ZFP91: variants seen among roughly 807,000 people sequenced by gnomAD.
The protein encoded by ZFP91 is ZFP91 zinc finger protein, atypical E3 ubiquitin ligase, also known as E3 ubiquitin-protein ligase ZFP91.
Under a neutral mutation model 63.5 loss-of-function variants are expected in ZFP91, and 7 were observed. The ratio of observed to expected loss-of-function variants is 0.11; its 90% CI spans 0.06 to 0.21. The LOEUF (loss-of-function observed/expected upper bound fraction) is 0.21. Ranked by LOEUF, ZFP91 falls within the 10% of genes least tolerant of loss-of-function variation. ZFP91 has a pLI of 1.00. For synonymous variants in ZFP91, 330 were observed against 272.1 expected (o/e 1.21, Z -2.10); for missense variants, 628 against 736.6 (o/e 0.85, Z 1.71).
chr11:58,608,175 T>A (rs554147387), intron 2 of ZFP91, among the ~76,000 whole-genome samples: 2 of 151,904 alleles, frequency 1.3e-5, no homozygotes, highest in Non-Finnish European at 2.9e-5. Flanking sequence ...ATTGGTTTCA[T>A]AAGTTATATA....
Position 58,617,917 on chromosome 11 carries a change from C to A in ZFP91, c.*211C>A. 1.8e-6 allele frequency: 1 copy of A among 550,396 alleles called. No individual in the cohort carries two copies. Among genetic ancestry groups the A allele is most frequent in the Non-Finnish European group, 2.7e-6 (1 of 367,488 alleles). The allele number at this position is 550,396 out of a possible 1,614,324, so 34.1% of individuals were successfully genotyped here. ...GCTCCCCTTATAAAATTGATGTTGT[C>A]TTTACCAGAAAGGTAGACAAAAAAG... On this transcript the variant is annotated 3_prime_UTR_variant, in exon 11 of 11. Transcript: ENST00000316059. This position sits in a 1 kb window ranked among gnomAD's most constrained non-coding sequence, Gnocchi z 4.2.
chr11:58,618,830 G>A lies in ZFP91; in HGVS notation c.*1124G>A, dbSNP rs998827117. On this transcript the variant is annotated 3_prime_UTR_variant, in exon 11 of 11. Coordinates refer to ENST00000316059, the MANE Select transcript of ZFP91 (RefSeq NM_053023.5). The stretch of plus-strand genomic sequence containing the variant: ...TTTAGGGAAGAATGTTAGGTTCATG[G>A]TAACTAGTATGCTCTTTGAGATTTT... 2 of 399,988 alleles carry A rather than the reference G, an allele frequency of 5.0e-6. No homozygotes were observed. Among genetic ancestry groups the A allele is most frequent in the Non-Finnish European group, 9.8e-6 (2 of 203,998 alleles). The allele number at this position is 399,988 out of a possible 1,614,324, so 24.8% of individuals were successfully genotyped here.
intron 1 of ZFP91, among the ~76,000 whole-genome samples, chr11:58,583,456 C>G (rs1163471670): frequency 1.3e-5 from 2 of 151,898 alleles, no homozygotes; most frequent in Admixed American, 1.3e-4. Flanking sequence ...CTTGCTGTTT[C>G]CCTTTTGAAG....
At chr11:58,593,178 A>G (rs1168714463) in intron 2 of ZFP91, among the ~76,000 whole-genome samples, 2 of 152,202 alleles carry the variant, frequency 1.3e-5, no homozygotes, top group Non-Finnish European at 2.9e-5. Context: ...GACCACAGTT[A>G]ATAATAATGT....
chr11:58,612,725 T>TA (rs1565024928), intron 7 of ZFP91, 37 bp from the exon 8 acceptor site: 4 of 1,567,916 alleles, frequency 2.6e-6, no homozygotes, highest in Non-Finnish European at 2.6e-6. Context: ...ACCACTTTTT[T>TA]TTTTTTGCTA....
chr11:58,593,012 A>G (rs748309321), intron 2 of ZFP91, among the ~76,000 whole-genome samples: 1 of 152,064 alleles, frequency 6.6e-6, no homozygotes, highest in African/African-American at 2.4e-5. Context: ...ACATGAAGCA[A>G]TAGAGAACTC....
Position 58,579,583 on chromosome 11 carries a change from C to G in ZFP91, c.302C>G (p.Ser101Cys), listed in dbSNP as rs199816199. The G allele has an allele frequency of 1.3e-6, 2 of 1,582,764 alleles. No homozygotes were observed. Among genetic ancestry groups the G allele is most frequent in the East Asian group, 2.5e-5 (1 of 40,024 alleles). ...VPGQQPQAAK[S>C]PSPVQGKKSP... ...GGGCAGCAGCCCCAGGCCGCGAAGT[C>G]CCCGTCTCCAGTTCAGGGCAAGAAG... The change falls in exon 1 of 11, where the codon TCC becomes TGC. Residue 101 changes from serine (S) to cysteine (C), a missense_variant. Coordinates refer to ENST00000316059, the MANE Select transcript of ZFP91 (RefSeq NM_053023.5).
chr11:58,587,676 A>C (rs982984539), intron 2 of ZFP91, among the ~76,000 whole-genome samples: 1 of 152,108 alleles, frequency 6.6e-6, no homozygotes, highest in Non-Finnish European at 1.5e-5. Context: ...TACTTTGATT[A>C]TAAAGTAAAA....
chr11:58,583,824 A>G (rs147721789), intron 1 of ZFP91, among the ~76,000 whole-genome samples: 2 of 152,030 alleles, frequency 1.3e-5, no homozygotes, highest in Non-Finnish European at 2.9e-5. Flanking sequence ...AGATTTTTGT[A>G]TTACACTGTG....
intron 2 of ZFP91, among the ~76,000 whole-genome samples, chr11:58,593,453 G>C (rs1018812600): frequency 2.6e-5 from 4 of 152,164 alleles, no homozygotes. Flanking sequence ...CAGAAAAAGT[G>C]ATATGAACAG....
chr11:58,602,381 T>C (rs1328474485), intron 2 of ZFP91, among the ~76,000 whole-genome samples: 3 of 152,154 alleles, frequency 2.0e-5, no homozygotes, highest in Non-Finnish European at 4.4e-5. Context: ...GATTGTGGTA[T>C]TACCTGTTTC....
At chr11:58,614,178 C>A (rs1319943483) in intron 8 of ZFP91, 51 bp from the exon 9 acceptor site, 1 of 1,237,176 alleles carries the variant, frequency 8.1e-7, no homozygotes, top group South Asian at 1.4e-5. Context: ...CAAGTACTTT[C>A]AGGAAGCCTT....
chr11:58,617,809 G>C lies in ZFP91; in HGVS notation c.*103G>C. ...GCATTTAAAATCTAGTGAAATAACT[G>C]AAGGGCCTGCTCTTTCCATTGTGGA... On this transcript the variant is annotated 3_prime_UTR_variant, in exon 11 of 11. Coordinates refer to ENST00000316059, the MANE Select transcript of ZFP91 (RefSeq NM_053023.5). The surrounding 1 kb of genome is among the most constrained non-coding windows in gnomAD (Gnocchi z 4.2). 2.8e-6 allele frequency: 4 copies of C among 1,412,606 alleles called. No homozygotes were observed. Among genetic ancestry groups the C allele is most frequent in the Non-Finnish European group, 3.7e-6 (4 of 1,084,890 alleles). The allele number at this position is 1,412,606 out of a possible 1,614,324, so 87.5% of individuals were successfully genotyped here. A position where few individuals can be genotyped will look rare whatever the true frequency, so the allele number is the denominator to read the frequency against.
intron 1 of ZFP91, among the ~76,000 whole-genome samples, chr11:58,581,317 A>G (rs1403847810): frequency 4.6e-5 from 7 of 152,184 alleles, no homozygotes; most frequent in Admixed American, 2.0e-4. Context: ...AAATATACCT[A>G]TATCTCAAGA....
At chr11:58,609,756 A>C in intron 2 of ZFP91, 74 bp from the exon 3 acceptor site, 1 of 1,249,308 alleles carries the variant, frequency 8.0e-7, no homozygotes, top group Non-Finnish European at 1.1e-6. Flanking sequence ...AACTGTATTT[A>C]CAATTAGTAG....
At chr11:58,597,510 A>G (rs1036906828) in intron 2 of ZFP91, among the ~76,000 whole-genome samples, 1 of 152,114 alleles carries the variant, frequency 6.6e-6, no homozygotes, top group African/African-American at 2.4e-5. Context: ...TTTAAAGCCA[A>G]ATCTCTTTCT....
chr11:58,605,113 T>C (rs1855550384), intron 2 of ZFP91, among the ~76,000 whole-genome samples: 1 of 152,218 alleles, frequency 6.6e-6, no homozygotes, highest in African/African-American at 2.4e-5. Flanking sequence ...TCTTAGGGGT[T>C]ACCTGGGGAT....
At chr11:58,611,940 T>G in intron 6 of ZFP91, 1 of 594,742 alleles carries the variant, frequency 1.7e-6, no homozygotes, top group Non-Finnish European at 2.8e-6. Context: ...TTCAGTTCTA[T>G]TGCAAGGAGA....
chr11:58,588,509 C>T (rs1855249155), intron 2 of ZFP91, among the ~76,000 whole-genome samples: 1 of 152,016 alleles, frequency 6.6e-6, no homozygotes, highest in African/African-American at 2.4e-5. Context: ...CCTCTGTGCT[C>T]CATGTTTTAA....
Sources: allele counts gnomAD v4.1 joint callset (sites outside exome capture counted in the v4.1 genomes callset), GRCh38; gene constraint gnomAD v4.1.1; non-coding constraint Gnocchi (gnomAD v3.1); transcripts MANE v1.5; gene names NCBI Gene and HGNC (gene_info 2026-07-23, HGNC 2026-07-21).